Variants in KCNMA1 observed in about 807,000 individuals in gnomAD.
KCNMA1 encodes the protein potassium calcium-activated channel subfamily M alpha 1.
In KCNMA1, 29 loss-of-function variants were observed where a neutral mutation model predicts 140.0. That is an observed-to-expected ratio of 0.21 (90% CI 0.15 to 0.28). The LOEUF (loss-of-function observed/expected upper bound fraction) is 0.28. KCNMA1 is among the 10% of genes least tolerant of loss of function. The pLI is 1.00. For missense variants in KCNMA1, 880 were observed against 1,602.2 expected (o/e 0.55, Z 7.70); for synonymous variants, 612 against 611.9 (o/e 1.00, Z 0.00).
rs112247737 is a variant in KCNMA1, at chr10:77,631,381, T to C, written c.378+5884A>G. Reference sequence around the variant, plus strand: ...CATGGCCCTGTCTGATCCCCAGGGATGTCTCCAAGGGACCCAGTGTTCCCC... The same window carrying C: ...CATGGCCCTGTCTGATCCCCAGGGACGTCTCCAAGGGACCCAGTGTTCCCC... On this transcript the variant is annotated intron_variant, in intron 1 of 27. Transcript: ENST00000286628. 8.6e-3 allele frequency among the ~76,000 whole-genome samples: 1,314 copies of C among 152,304 alleles called. 14 individuals are homozygous for C. Among genetic ancestry groups the C allele is most frequent in the Middle Eastern group, 0.017 (5 of 294 alleles).
Position 77,446,892 on chromosome 10 carries a change from CT to C in KCNMA1, c.379-42870del, listed in dbSNP as rs200008832. Among the ~76,000 whole-genome samples the C allele has an allele frequency of 2.8e-4, 43 of 152,368 alleles. 1 individual carries two copies. The East Asian group carries it at 8.1e-3, about 29-fold the overall frequency. The stretch of plus-strand genomic sequence containing the variant: ...TTCTACCTCCATACCTTTGTTCACA[CT>C]GTTTTGCTTAGCTGGCAAGTTCTTC... On this transcript the variant is annotated intron_variant, in intron 1 of 27. Coordinates refer to ENST00000286628, the MANE Select transcript of KCNMA1 (RefSeq NM_001161352.2).
At chr10:77,281,890 T>C (rs1269816217) in intron 2 of KCNMA1, among the ~76,000 whole-genome samples, 1 of 152,228 alleles carries the variant, frequency 6.6e-6, no homozygotes, top group Non-Finnish European at 1.5e-5. Flanking sequence ...AGTGGTTTCC[T>C]ACAGCTGCGG....
intron 19 of KCNMA1, among the ~76,000 whole-genome samples, chr10:76,983,544 A>G (rs971144537): frequency 2.0e-4 from 31 of 152,122 alleles, no homozygotes; most frequent in Admixed American, 1.1e-3. Context: ...AGCCTGGCCA[A>G]TATGGCAAAA....
chr10:77,156,894 A>G (rs962987192), intron 5 of KCNMA1, among the ~76,000 whole-genome samples: 1 of 152,154 alleles, frequency 6.6e-6, no homozygotes, highest in Admixed American at 6.5e-5. Context: ...TTTACCCCCA[A>G]GCAATCAACA....
At chr10:76,995,768 TG>T (rs1243067929) in intron 19 of KCNMA1, 6 of 448,626 alleles carry the variant, frequency 1.3e-5, no homozygotes, top group African/African-American at 4.0e-5. Context: ...GGGCCTCTTC[TG>T]GGCTTACATG....
At chr10:77,506,628 GGAGAGAGACAGAGAGGGAGAGAGAGA>G (rs1603630711) in intron 1 of KCNMA1, among the ~76,000 whole-genome samples, 8 of 44,856 alleles carry the variant, frequency 1.8e-4, no homozygotes, top group African/African-American at 2.4e-4. Context: ...TGTTAGAGAG[GGAGAGAGACAGAGAGGGAGAGAGAGA>G]GAGAGAGAGA....
chr10:77,453,298 A>G (rs1302690229), intron 1 of KCNMA1, among the ~76,000 whole-genome samples: 1 of 152,062 alleles, frequency 6.6e-6, no homozygotes, highest in African/African-American at 2.4e-5. Flanking sequence ...CCATCTTCTG[A>G]CACCCACTGA....
intron 1 of KCNMA1, among the ~76,000 whole-genome samples, chr10:77,430,823 G>A (rs1376462063): frequency 1.3e-5 from 2 of 152,148 alleles, no homozygotes; most frequent in African/African-American, 4.8e-5. Flanking sequence ...GTATTGTGGC[G>A]AGCACAGAGT....
intron 19 of KCNMA1, among the ~76,000 whole-genome samples, chr10:76,981,876 T>C (rs1484407143): frequency 6.6e-6 from 1 of 152,204 alleles, no homozygotes; most frequent in Non-Finnish European, 1.5e-5. Flanking sequence ...TCTCTCACAA[T>C]GCTGGGCCCT....
chr10:77,011,314 C>T (rs1201334214), intron 18 of KCNMA1, among the ~76,000 whole-genome samples: 1 of 152,168 alleles, frequency 6.6e-6, no homozygotes, highest in African/African-American at 2.4e-5. Context: ...CAGTGGCAAA[C>T]TGCTTTAGAA....
chr10:77,122,166 G>C (rs2097618988), intron 5 of KCNMA1, among the ~76,000 whole-genome samples: 1 of 152,108 alleles, frequency 6.6e-6, no homozygotes, highest in Non-Finnish European at 1.5e-5. Flanking sequence ...TGAATGAGGA[G>C]TACACTAACT....
intron 2 of KCNMA1, among the ~76,000 whole-genome samples, chr10:77,378,751 G>A (rs1190168500): frequency 6.6e-6 from 1 of 152,194 alleles, no homozygotes; most frequent in Non-Finnish European, 1.5e-5. Flanking sequence ...CAAGCATAAA[G>A]CACTGTATGC....
chr10:77,506,201 T>A (rs1032413767), intron 1 of KCNMA1, among the ~76,000 whole-genome samples: 1 of 151,930 alleles, frequency 6.6e-6, no homozygotes, highest in East Asian at 1.9e-4. Flanking sequence ...GAGTTTCTTC[T>A]GGAAGATCTG....
intron 5 of KCNMA1, among the ~76,000 whole-genome samples, chr10:77,139,708 T>C (rs1453374613): frequency 2.6e-5 from 4 of 152,318 alleles, no homozygotes; most frequent in Admixed American, 6.5e-5. Flanking sequence ...TAAACTGTAA[T>C]ATATTATGGA....
At chr10:77,339,695 C>T (rs1251463017) in intron 2 of KCNMA1, among the ~76,000 whole-genome samples, 3 of 152,224 alleles carry the variant, frequency 2.0e-5, no homozygotes, top group Non-Finnish European at 4.4e-5. Flanking sequence ...TTTGGCTCAC[C>T]CAAGGTGGAG....
intron 19 of KCNMA1, among the ~76,000 whole-genome samples, chr10:76,988,197 G>C (rs969227705): frequency 6.6e-6 from 1 of 152,168 alleles, no homozygotes; most frequent in African/African-American, 2.4e-5. Flanking sequence ...CACACATCAG[G>C]TCTGCTGAAA....
chr10:76,947,195 G>A (rs1187792401), intron 22 of KCNMA1, among the ~76,000 whole-genome samples: 2 of 145,596 alleles, frequency 1.4e-5, no homozygotes, highest in Non-Finnish European at 1.5e-5. Context: ...AAAGTAGCCA[G>A]GCATGGTGGT....
chr10:77,280,549 C>T (rs979467315), intron 2 of KCNMA1, among the ~76,000 whole-genome samples: 3 of 152,160 alleles, frequency 2.0e-5, no homozygotes, highest in Admixed American at 6.5e-5. Context: ...CAGGGTCTTG[C>T]TTTGTTGCCC....
At chr10:77,381,649 T>C (rs1240064237) in intron 2 of KCNMA1, among the ~76,000 whole-genome samples, 1 of 152,192 alleles carries the variant, frequency 6.6e-6, no homozygotes, top group Non-Finnish European at 1.5e-5. Context: ...TTTTTTTAAA[T>C]CCCTACATTC....
Sources: allele counts gnomAD v4.1 joint callset (sites outside exome capture counted in the v4.1 genomes callset), GRCh38; gene constraint gnomAD v4.1.1; transcripts MANE v1.5; gene names NCBI Gene and HGNC (gene_info 2026-07-23, HGNC 2026-07-21).